The following ADGRB3 variants were observed in gnomAD, a reference collection of about 807,000 sequenced individuals.
The protein encoded by ADGRB3 is adhesion G protein-coupled receptor B3.
In ADGRB3, 37 loss-of-function variants were observed where a neutral mutation model predicts 193.4. That is an observed-to-expected ratio of 0.19 (90% CI 0.15 to 0.25). The LOEUF (loss-of-function observed/expected upper bound fraction) is 0.25, where lower values mean the gene tolerates loss of function less well. ADGRB3 is among the 10% of genes least tolerant of loss of function. ADGRB3 has a pLI of 1.00. For synonymous variants in ADGRB3, 690 were observed against 644.2 expected (o/e 1.07, Z -1.08); for missense variants, 1,637 against 1,852.9 (o/e 0.88, Z 2.14).
chr6:69,149,990 C>T (rs1341707544), intron 17 of ADGRB3, among the ~76,000 whole-genome samples: 3 of 139,212 alleles, frequency 2.2e-5, no homozygotes. Flanking sequence ...ATCCCTGGAG[C>T]TGAGGGAGGG....
At chr6:68,761,732 T>A (rs191598489) in intron 3 of ADGRB3, among the ~76,000 whole-genome samples, 2 of 146,154 alleles carry the variant, frequency 1.4e-5, no homozygotes, top group East Asian at 3.9e-4. Context: ...TCTGATCAAG[T>A]CTAAGGTTTT....
chr6:68,897,483 G>GGA (rs1766255253), intron 3 of ADGRB3, among the ~76,000 whole-genome samples: 2 of 31,052 alleles, frequency 6.4e-5, no homozygotes, highest in South Asian at 1.2e-3. Flanking sequence ...GGGAGGGATG[G>GGA]AGGAAGGGAG....
chr6:69,358,625 C>A (rs1025094829), intron 28 of ADGRB3, among the ~76,000 whole-genome samples: 1 of 152,014 alleles, frequency 6.6e-6, no homozygotes, highest in East Asian at 1.9e-4. Flanking sequence ...TCTGAATAAT[C>A]TTTCTTTATA....
intron 16 of ADGRB3, among the ~76,000 whole-genome samples, chr6:69,063,682 C>G (rs1304998416): frequency 6.6e-6 from 1 of 151,964 alleles, no homozygotes; most frequent in Non-Finnish European, 1.5e-5. Context: ...ATCGCATTGT[C>G]TAAATCAAAA....
chr6:68,969,389 A>G (rs1487088225), intron 8 of ADGRB3, among the ~76,000 whole-genome samples: 1 of 152,200 alleles, frequency 6.6e-6, no homozygotes, highest in Non-Finnish European at 1.5e-5. Flanking sequence ...AGGAAAATTA[A>G]CTGTGTGGCT....
chr6:68,641,124 T>A (rs1768074348), intron 3 of ADGRB3, among the ~76,000 whole-genome samples: 1 of 152,090 alleles, frequency 6.6e-6, no homozygotes, highest in African/African-American at 2.4e-5. Context: ...AGGAAGCTGG[T>A]TTTTGTTTGT....
At position 69,208,509 on chromosome 6, in the gene ADGRB3, A is replaced by G. The variant is rs562694609; in HGVS notation, c.2481-24781A>G. ...AGGTGCACTGCTCGAAGTTCTGCCC[A>G]CTGGGAAGATTTCCCGTCACTGCTA... On this transcript the variant is annotated intron_variant, in intron 17 of 31. Coordinates refer to ENST00000370598, the MANE Select transcript of ADGRB3 (RefSeq NM_001704.3). Among the ~76,000 whole-genome samples, 4 of 152,334 alleles carry G rather than the reference A, an allele frequency of 2.6e-5. No individual in the cohort carries two copies. In the East Asian group the frequency reaches 7.7e-4, roughly 29 times the overall value.
At chr6:68,957,999 G>A (rs1388177012) in intron 8 of ADGRB3, among the ~76,000 whole-genome samples, 2 of 152,052 alleles carry the variant, frequency 1.3e-5, no homozygotes, top group East Asian at 3.9e-4. Flanking sequence ...TCAGGAGTTC[G>A]AGACCAGCCT....
At chr6:69,329,015 T>G (rs1294014741) in intron 22 of ADGRB3, among the ~76,000 whole-genome samples, 2 of 152,098 alleles carry the variant, frequency 1.3e-5, no homozygotes, top group Non-Finnish European at 2.9e-5. Flanking sequence ...CCATAAGTTT[T>G]TATAACAGTG....
At chr6:69,348,911 G>A (rs1294992441) in intron 26 of ADGRB3, among the ~76,000 whole-genome samples, 1 of 152,204 alleles carries the variant, frequency 6.6e-6, no homozygotes, top group African/African-American at 2.4e-5. Flanking sequence ...GGAGATAATT[G>A]TTTTGGTTTA....
At chr6:68,646,341 G>T (rs1768214022) in intron 3 of ADGRB3, among the ~76,000 whole-genome samples, 1 of 151,778 alleles carries the variant, frequency 6.6e-6, no homozygotes, top group Non-Finnish European at 1.5e-5. Flanking sequence ...GCCAGGCGTG[G>T]TGGGGCATGC....
At chr6:69,049,184 A>G in intron 14 of ADGRB3, 87 bp from the exon 15 acceptor site, 5 of 956,710 alleles carry the variant, frequency 5.2e-6, no homozygotes, top group Non-Finnish European at 7.9e-6. Context: ...GAAGTACTGG[A>G]ATTATCTTGT....
At chr6:69,035,039 G>A (rs1770827253) in intron 13 of ADGRB3, among the ~76,000 whole-genome samples, 1 of 151,962 alleles carries the variant, frequency 6.6e-6, no homozygotes. Context: ...GAGTTGATGT[G>A]TTAATTTTAT....
chr6:68,963,594 G>A (rs1768293203), intron 8 of ADGRB3, among the ~76,000 whole-genome samples: 1 of 152,056 alleles, frequency 6.6e-6, no homozygotes, highest in Non-Finnish European at 1.5e-5. Context: ...TCAAGCAGAT[G>A]CAGCCTCTGG....
intron 20 of ADGRB3, among the ~76,000 whole-genome samples, chr6:69,246,365 A>G (rs1184997448): frequency 6.6e-6 from 1 of 152,184 alleles, no homozygotes; most frequent in Non-Finnish European, 1.5e-5. Context: ...TGAAGGTAAT[A>G]AGCTTATGTG....
At chr6:69,276,408 A>G (rs149686602) in intron 20 of ADGRB3, among the ~76,000 whole-genome samples, 1 of 152,208 alleles carries the variant, frequency 6.6e-6, no homozygotes, top group Non-Finnish European at 1.5e-5. Context: ...CAAATAAACA[A>G]CCTCTCAAAT....
At chr6:68,661,090 T>A (rs1582105064) in intron 3 of ADGRB3, among the ~76,000 whole-genome samples, 1 of 150,440 alleles carries the variant, frequency 6.6e-6, no homozygotes, top group Admixed American at 6.7e-5. Context: ...TTTTGGACCT[T>A]AATTTTTCAA....
intron 20 of ADGRB3, among the ~76,000 whole-genome samples, chr6:69,274,065 A>C (rs1427625120): frequency 3.3e-5 from 5 of 152,218 alleles, no homozygotes; most frequent in African/African-American, 7.2e-5. Context: ...AGATCAACAA[A>C]TCTCTATTTA....
intron 16 of ADGRB3, among the ~76,000 whole-genome samples, chr6:69,068,828 C>T (rs1375787352): frequency 6.6e-6 from 1 of 152,162 alleles, no homozygotes; most frequent in Non-Finnish European, 1.5e-5. Flanking sequence ...TGCCAACTTT[C>T]TGTGAATAGC....
Sources: allele counts gnomAD v4.1 joint callset (sites outside exome capture counted in the v4.1 genomes callset), GRCh38; gene constraint gnomAD v4.1.1; transcripts MANE v1.5; gene names NCBI Gene and HGNC (gene_info 2026-07-23, HGNC 2026-07-21).